Variants in CEP57L1 observed in about 807,000 individuals in gnomAD.
CEP57L1 encodes the protein centrosomal protein 57 like 1.
CEP57L1 carries 37 observed loss-of-function variants against 61.0 expected under a neutral mutation model. The ratio of observed to expected loss-of-function variants is 0.61; its 90% confidence interval spans 0.47 to 0.80. The LOEUF (loss-of-function observed/expected upper bound fraction) is 0.80, where lower values mean the gene tolerates loss of function less well. Among genes scored for constraint, CEP57L1 ranks in the 30% least tolerant of loss-of-function variants. The probability of loss-of-function intolerance (pLI) is 0.00; values close to 1 mark genes in which losing one functional copy is unlikely to be tolerated. For synonymous variants in CEP57L1, 137 were observed against 162.3 expected (o/e 0.84, Z 1.19); for missense variants, 422 against 524.7 (o/e 0.80, Z 1.91).
At chr6:109,112,744 A>G (rs1341503818) in intron 1 of CEP57L1, among the ~76,000 whole-genome samples, 1 of 152,120 alleles carries the variant, frequency 6.6e-6, no homozygotes, top group African/African-American at 2.4e-5. Context: ...GAACATCTTT[A>G]TTTCTGGCAG....
chr6:109,118,319 G>A (rs890834129), intron 1 of CEP57L1, among the ~76,000 whole-genome samples: 1 of 152,238 alleles, frequency 6.6e-6, no homozygotes, highest in African/African-American at 2.4e-5. Flanking sequence ...TTACAGGCGT[G>A]AGCCTGGCCA....
intron 1 of CEP57L1, among the ~76,000 whole-genome samples, chr6:109,138,052 T>A (rs1770933054): frequency 6.6e-6 from 1 of 152,206 alleles, no homozygotes; most frequent in Non-Finnish European, 1.5e-5. Flanking sequence ...GTTTGACTAT[T>A]ACAGAAACAG....
chr6:109,162,820 C>A lies in CEP57L1; in HGVS notation c.1233C>A (p.Ser411Arg). 1 of 1,613,318 alleles carries A rather than the reference C, an allele frequency of 6.2e-7. No homozygotes were observed. The highest frequency in any genetic ancestry group is 8.5e-7 in the Non-Finnish European group (1 of 1,179,542). ...CTTCAGGTATTCAGCAAGAAGACAG[C>A]TACCCTAAAGGATCAAAGAACATAA... ...SEASGIQQEDSYPKGSKNIKN... is the reference protein window; with the variant it reads ...SEASGIQQEDRYPKGSKNIKN... Residue 411 changes from serine to arginine, a missense_variant, in exon 11 of 11, where the codon AGC becomes AGA. Coordinates refer to ENST00000517392, the MANE Select transcript of CEP57L1 (RefSeq NM_001271852.3).
intron 1 of CEP57L1, among the ~76,000 whole-genome samples, chr6:109,144,088 G>A (rs1426465363): frequency 1.3e-5 from 2 of 152,128 alleles, no homozygotes; most frequent in Non-Finnish European, 2.9e-5. Flanking sequence ...TACCTTGCAA[G>A]AACAAAAAGC....
chr6:109,095,789 G>A (rs1370103902), intron 1 of CEP57L1, among the ~76,000 whole-genome samples: 1 of 152,182 alleles, frequency 6.6e-6, no homozygotes, highest in African/African-American at 2.4e-5. Flanking sequence ...AAGGGTCGCA[G>A]GGAGCGGCCT....
intron 1 of CEP57L1, among the ~76,000 whole-genome samples, chr6:109,144,693 C>T (rs1771767902): frequency 6.6e-6 from 1 of 152,018 alleles, no homozygotes; most frequent in Non-Finnish European, 1.5e-5. Context: ...ATACATTAAG[C>T]AGAGGTGTGT....
At chr6:109,156,657 A>G (rs1387341739) in intron 7 of CEP57L1, 4 of 152,054 alleles carry the variant, frequency 2.6e-5, no homozygotes, top group Admixed American at 2.0e-4. Context: ...TCTCTGTGCC[A>G]TTTGTTGTGG....
At chr6:109,142,708 AC>A (rs1771520328) in intron 1 of CEP57L1, among the ~76,000 whole-genome samples, 1 of 151,994 alleles carries the variant, frequency 6.6e-6, no homozygotes, top group African/African-American at 2.4e-5. Context: ...ACTTGAAGAC[AC>A]CTATAAAATG....
At chr6:109,108,334 G>T (rs1335718521) in intron 1 of CEP57L1, among the ~76,000 whole-genome samples, 1 of 151,098 alleles carries the variant, frequency 6.6e-6, no homozygotes, top group Non-Finnish European at 1.5e-5. Context: ...TCTGCCTCCA[G>T]TGTTCAAGTG....
intron 1 of CEP57L1, among the ~76,000 whole-genome samples, chr6:109,115,271 GAAATGACACTCCTTCA>G (rs1772139760): frequency 6.6e-6 from 1 of 151,760 alleles, no homozygotes; most frequent in Non-Finnish European, 1.5e-5. Flanking sequence ...AGAAAAGAGA[GAAATGACACTCCTTCA>G]GAGTGTCATT....
chr6:109,126,296 A>G (rs1773554525), intron 1 of CEP57L1, among the ~76,000 whole-genome samples: 1 of 152,146 alleles, frequency 6.6e-6, no homozygotes, highest in Non-Finnish European at 1.5e-5. Flanking sequence ...AATAATTGAT[A>G]CTCTAAATCT....
rs948414364 is a variant in CEP57L1 at position 109,171,599 on chromosome 6, A to G, written c.*8629A>G. On this transcript the variant is annotated 3_prime_UTR_variant, in exon 11 of 11. Coordinates refer to ENST00000517392, the MANE Select transcript of CEP57L1 (RefSeq NM_001271852.3). ...TAAAATACTATCAGTTTAAACTACCATCTACAGAAATAAAAAACATAAACC... is the reference window on the plus strand; with the variant it reads ...TAAAATACTATCAGTTTAAACTACCGTCTACAGAAATAAAAAACATAAACC... Among the ~76,000 whole-genome samples, 2 of 152,114 alleles carry G rather than the reference A, an allele frequency of 1.3e-5. No individual in the cohort carries two copies. The highest frequency in any genetic ancestry group is 4.8e-5 in the African/African-American group (2 of 41,438).
intron 6 of CEP57L1, among the ~76,000 whole-genome samples, chr6:109,155,522 A>G (rs181267074): frequency 3.4e-4 from 51 of 152,042 alleles, no homozygotes; most frequent in African/African-American, 1.2e-3. Context: ...AAATACATAT[A>G]TTCTCAGTTG....
chr6:109,159,217 G>A, intron 8 of CEP57L1, 52 bp from the exon 9 acceptor site: 3 of 1,613,968 alleles, frequency 1.9e-6, no homozygotes, highest in Non-Finnish European at 2.5e-6. Flanking sequence ...TTTCCCATAA[G>A]TCTACCAGTG....
chr6:109,156,490 T>A (rs1429739993), intron 7 of CEP57L1: 11 of 152,146 alleles, frequency 7.2e-5, no homozygotes, highest in Admixed American at 6.6e-4. Flanking sequence ...TTTGTTTAGA[T>A]GGATTGATGT....
chr6:109,143,716 A>G (rs1771665516), intron 1 of CEP57L1, among the ~76,000 whole-genome samples: 1 of 152,170 alleles, frequency 6.6e-6, no homozygotes. Context: ...GTGAAATAAT[A>G]TTATACTTAG....
chr6:109,095,903 C>T (rs1781640496), intron 1 of CEP57L1, among the ~76,000 whole-genome samples: 1 of 152,110 alleles, frequency 6.6e-6, no homozygotes. Flanking sequence ...TTTGGGATCT[C>T]CGCGCATTTG....
At chr6:109,129,638 G>A (rs1773960844) in intron 1 of CEP57L1, 3 of 398,608 alleles carry the variant, frequency 7.5e-6, no homozygotes, top group Non-Finnish European at 1.0e-5. Context: ...TGAGCCATTC[G>A]AGGATCCTAT....
chr6:109,139,895 G>A (rs1320678806), intron 1 of CEP57L1, among the ~76,000 whole-genome samples: 4 of 151,964 alleles, frequency 2.6e-5, no homozygotes, highest in African/African-American at 7.2e-5. Flanking sequence ...CCCTCCCAAA[G>A]TGCTGGGATT....
Sources: allele counts gnomAD v4.1 joint callset (sites outside exome capture counted in the v4.1 genomes callset), GRCh38; gene constraint gnomAD v4.1.1; transcripts MANE v1.5; gene names NCBI Gene and HGNC (gene_info 2026-07-23, HGNC 2026-07-21).